NXPE2: variants seen among roughly 807,000 people sequenced by gnomAD.
NXPE2 encodes NXPE family member 2.
NXPE2 carries 34 observed loss-of-function variants against 34.4 expected under a neutral mutation model. The ratio of observed to expected loss-of-function variants is 0.99; its 90% CI spans 0.75 to 1.31. The LOEUF (loss-of-function observed/expected upper bound fraction) is 1.31. NXPE2 is among the 40% of genes most tolerant of loss of function. The probability of loss-of-function intolerance (pLI) is 0.00; values close to 1 mark genes in which losing one functional copy is unlikely to be tolerated. For synonymous variants in NXPE2, 235 were observed against 231.3 expected, an observed-to-expected ratio of 1.02 and a Z score of -0.15; for missense variants, 649 against 672.5, an observed-to-expected ratio of 0.97 and a Z score of 0.39.
At chr11:114,612,909 C>T in the NXPE2 span, among the ~76,000 whole-genome samples, 5 of 151,762 alleles carry the variant, frequency 3.3e-5, no homozygotes, top group African/African-American at 9.7e-5. Context: ...CACTGTTACC[C>T]GGTGGATAAT....
the NXPE2 span, among the ~76,000 whole-genome samples, chr11:114,796,197 A>T: frequency 6.6e-6 from 1 of 152,228 alleles, no homozygotes; most frequent in Non-Finnish European, 1.5e-5. Context: ...TTTATTTTAG[A>T]TTCAGGGTAT....
At chr11:114,725,219 T>G in the NXPE2 span, among the ~76,000 whole-genome samples, 1 of 152,128 alleles carries the variant, frequency 6.6e-6, no homozygotes, top group African/African-American at 2.4e-5. Flanking sequence ...AGTTGTTTCC[T>G]AACATTAGCA....
At chr11:114,524,546 A>G in the NXPE2 span, among the ~76,000 whole-genome samples, 2 of 152,156 alleles carry the variant, frequency 1.3e-5, no homozygotes, top group Admixed American at 1.3e-4. Flanking sequence ...TAATCCTATA[A>G]TTATGTTGGA....
At chr11:114,504,557 C>G in the NXPE2 span, among the ~76,000 whole-genome samples, 6 of 152,306 alleles carry the variant, frequency 3.9e-5, no homozygotes, top group East Asian at 7.7e-4. Flanking sequence ...GACTCCAAAC[C>G]TTGAGGAGCT....
the NXPE2 span, chr11:114,522,764 C>A: frequency 4.0e-6 from 3 of 741,128 alleles, no homozygotes; most frequent in African/African-American, 1.8e-5. Flanking sequence ...AGGTTCAAAT[C>A]CAGAGAGCCA....
the NXPE2 span, among the ~76,000 whole-genome samples, chr11:114,476,078 A>G: frequency 3.0e-4 from 46 of 152,190 alleles, no homozygotes; most frequent in African/African-American, 1.1e-3. Context: ...CTGAAATTTG[A>G]ACCATGTTGT....
At chr11:114,614,115 T>C in the NXPE2 span, among the ~76,000 whole-genome samples, 6 of 151,994 alleles carry the variant, frequency 3.9e-5, no homozygotes, top group Admixed American at 3.9e-4. Context: ...GCCTCGTGGG[T>C]AACCAGTGTT....
the NXPE2 span, among the ~76,000 whole-genome samples, chr11:114,503,876 G>A: frequency 6.6e-6 from 1 of 152,204 alleles, no homozygotes; most frequent in Non-Finnish European, 1.5e-5. Flanking sequence ...CATCAGACAG[G>A]GCTGGTCTAA....
chr11:114,490,176 A>T, the NXPE2 span, among the ~76,000 whole-genome samples: 1 of 152,226 alleles, frequency 6.6e-6, no homozygotes, highest in Non-Finnish European at 1.5e-5. Flanking sequence ...TTCAAGAAGA[A>T]CTACAAACCA....
the NXPE2 span, among the ~76,000 whole-genome samples, chr11:114,786,302 G>A: frequency 6.6e-6 from 1 of 152,150 alleles, no homozygotes; most frequent in Admixed American, 6.5e-5. Context: ...GAGGATTAGA[G>A]AGGAGAAGTA....
chr11:114,523,752 C>A, the NXPE2 span, among the ~76,000 whole-genome samples: 17 of 152,130 alleles, frequency 1.1e-4, no homozygotes, highest in Non-Finnish European at 1.8e-4. Context: ...CTTGTTATGG[C>A]ATAACAAAGG....
At chr11:114,718,084 T>C in the NXPE2 span, among the ~76,000 whole-genome samples, 1 of 152,220 alleles carries the variant, frequency 6.6e-6, no homozygotes, top group African/African-American at 2.4e-5. Flanking sequence ...ATATAATTGC[T>C]GTATGAATGA....
chr11:114,671,679 A>G, the NXPE2 span, among the ~76,000 whole-genome samples: 5 of 152,062 alleles, frequency 3.3e-5, no homozygotes, highest in South Asian at 1.0e-3. Context: ...CTGTCAACAG[A>G]GTGTTTTATC....
the NXPE2 span, among the ~76,000 whole-genome samples, chr11:114,737,622 A>T: frequency 6.6e-6 from 1 of 152,168 alleles, no homozygotes; most frequent in Non-Finnish European, 1.5e-5. Flanking sequence ...GAGAAAACAG[A>T]GACTTGGTTT....
At chr11:114,789,780 T>TA in the NXPE2 span, among the ~76,000 whole-genome samples, 1 of 152,194 alleles carries the variant, frequency 6.6e-6, no homozygotes, top group African/African-American at 2.4e-5. Flanking sequence ...CTCGCTCCAC[T>TA]TATCTCCATT....
At chr11:114,742,197 T>C in the NXPE2 span, among the ~76,000 whole-genome samples, 1 of 152,268 alleles carries the variant, frequency 6.6e-6, no homozygotes, top group African/African-American at 2.4e-5. Flanking sequence ...GCACTTGTTG[T>C]CCATGAGGTT....
the NXPE2 span, among the ~76,000 whole-genome samples, chr11:114,475,226 G>GTTTTTTTTTTTTTTTTTTTTTTTTT: frequency 2.3e-5 from 2 of 88,070 alleles, no homozygotes; most frequent in African/African-American, 4.1e-5. Context: ...AATGTGAACT[G>GTTTTTTTTTTTTTTTTTTTTTTTTT]TTTTTTTTTT....
At chr11:114,688,465 T>A (rs1394131259) in intron 2 of NXPE2, among the ~76,000 whole-genome samples, 1 of 152,144 alleles carries the variant, frequency 6.6e-6, no homozygotes, top group Admixed American at 6.5e-5. Flanking sequence ...TAACTTTTGA[T>A]GTGCTGCTGA....
At chr11:114,603,524 C>T in the NXPE2 span, among the ~76,000 whole-genome samples, 253 of 147,646 alleles carry the variant, frequency 1.7e-3, 1 homozygote, top group African/African-American at 6.1e-3. Flanking sequence ...AGTATTGCCT[C>T]GTCTCCCAGG....
Sources: gnomAD v4.1 joint callset for allele counts (sites outside exome capture counted in the v4.1 genomes callset) on GRCh38, gnomAD v4.1.1 for gene constraint, MANE v1.5 for transcripts, NCBI Gene and HGNC (gene_info 2026-07-23, HGNC 2026-07-21) for gene names.